Variants in IQSEC1 observed in about 807,000 individuals in gnomAD.
IQSEC1 encodes IQ motif and Sec7 domain ArfGEF 1.
A neutral mutation model predicts 91.0 loss-of-function variants in IQSEC1; 31 were observed. That is an observed-to-expected ratio of 0.34 (90% CI 0.26 to 0.46). IQSEC1 has a LOEUF of 0.46. IQSEC1 is among the 20% of genes least tolerant of loss of function. The pLI, the probability that IQSEC1 is intolerant of heterozygous loss-of-function variation, is 1.00. For synonymous variants in IQSEC1, 699 were observed against 662.6 expected (o/e 1.05, Z -0.84); for missense variants, 1,388 against 1,575.6 (o/e 0.88, Z 2.02).
At chr3:13,261,141 G>T (rs77196722) in intron 1 of IQSEC1, among the ~76,000 whole-genome samples, 2,287 of 152,342 alleles carry the variant, frequency 0.015, 60 homozygotes, top group African/African-American at 0.051. Context: ...CACTGGGGAG[G>T]CCGCCCAGGC....
intron 1 of IQSEC1, among the ~76,000 whole-genome samples, chr3:13,182,598 T>G (rs978803359): frequency 1.3e-5 from 2 of 152,142 alleles, no homozygotes; most frequent in African/African-American, 4.8e-5. Flanking sequence ...AATGGAAACC[T>G]AGGTGGAATA....
At chr3:13,200,379 C>A (rs1034695873) in intron 1 of IQSEC1, among the ~76,000 whole-genome samples, 4 of 152,202 alleles carry the variant, frequency 2.6e-5, no homozygotes, top group African/African-American at 9.7e-5. Flanking sequence ...TCCACCGTGT[C>A]CCCTCACTGA....
At chr3:12,946,479 T>C (rs1253308075) in intron 1 of IQSEC1, among the ~76,000 whole-genome samples, 2 of 152,172 alleles carry the variant, frequency 1.3e-5, no homozygotes, top group South Asian at 2.1e-4. Flanking sequence ...CCCCTTTCCA[T>C]AGATTTGTGC....
chr3:13,045,520 C>T (rs535134768), intron 1 of IQSEC1, among the ~76,000 whole-genome samples: 2 of 152,312 alleles, frequency 1.3e-5, no homozygotes, highest in African/African-American at 4.8e-5. Flanking sequence ...GGCACTGGGG[C>T]ATTGGCTCTG....
At chr3:13,161,111 TCACA>T (rs1707166447) in intron 2 of IQSEC1, among the ~76,000 whole-genome samples, 1 of 152,024 alleles carries the variant, frequency 6.6e-6, no homozygotes, top group Admixed American at 6.6e-5. Flanking sequence ...ACATCCTGAG[TCACA>T]CACAGCAGGG....
rs544790270 is a variant in IQSEC1 at position 13,019,048 on chromosome 3, A to C, written c.23+53944T>G. 1.5e-3 allele frequency among the ~76,000 whole-genome samples: 235 copies of C among 152,354 alleles called. 2 individuals carry two copies. Among genetic ancestry groups the C allele is most frequent in the Middle Eastern group, 3.4e-3 (1 of 294 alleles). ...AGAACCCAGTGATGACCTGCCAAGA[A>C]GCCCGCCCAGCTGGCATGGCTCCCC... is the stretch of plus-strand genomic sequence containing the variant. On this transcript the variant is annotated intron_variant, in intron 1 of 13. Coordinates refer to ENST00000613206, the MANE Select transcript of IQSEC1 (RefSeq NM_001134382.3).
chr3:13,028,073 C>T (rs77529636), intron 1 of IQSEC1, among the ~76,000 whole-genome samples: 1,595 of 152,266 alleles, frequency 0.01, 28 homozygotes, highest in African/African-American at 0.037. Flanking sequence ...GCTCCAGAGA[C>T]GCCTGTGGCC....
In IQSEC1 at chr3:12,924,022, T is replaced by C. The variant is rs1696883557; in HGVS notation, c.1730+559A>G. On this transcript the variant is annotated intron_variant, in intron 4 of 13. Coordinates refer to ENST00000613206, the MANE Select transcript of IQSEC1 (RefSeq NM_001134382.3). This position sits in a 1 kb window ranked among gnomAD's most constrained non-coding sequence, Gnocchi z 6.3. ...GTGGGGGCAGGACGCACAGCCCCAA[T>C]ATCCCAGCCGGGAGAATGAGGCAGG... Among the ~76,000 whole-genome samples, 1 of 152,134 alleles carries C rather than the reference T, an allele frequency of 6.6e-6. No individual in the cohort carries two copies. Among genetic ancestry groups the C allele is most frequent in the South Asian group, 2.1e-4 (1 of 4,834 alleles).
In IQSEC1 at chr3:13,214,560, T is replaced by A. The variant is rs1694506858; in HGVS notation, c.273-50427A>T. On this transcript the variant is annotated intron_variant, in intron 1 of 15. Transcript: ENST00000648114. The surrounding 1 kb of genome is among the most constrained non-coding windows in gnomAD (Gnocchi z 4.5). ...GTGGGTGCAGCCTGGGGCCTCTCAC[T>A]GCCAGGTGGACGAACCAGGGCAGGA... Among the ~76,000 whole-genome samples the A allele has an allele frequency of 6.6e-6, 1 of 152,248 alleles. No homozygotes were observed. The highest frequency in any genetic ancestry group is 6.5e-5 in the Admixed American group (1 of 15,294).
At chr3:13,208,484 A>G (rs759827565) in intron 1 of IQSEC1, among the ~76,000 whole-genome samples, 33 of 152,068 alleles carry the variant, frequency 2.2e-4, no homozygotes, top group Non-Finnish European at 4.3e-4. Flanking sequence ...GTAACAACCC[A>G]GGCTCGGGAA....
intron 1 of IQSEC1, among the ~76,000 whole-genome samples, chr3:12,946,853 C>A (rs1430561342): frequency 6.6e-6 from 1 of 152,212 alleles, no homozygotes; most frequent in Non-Finnish European, 1.5e-5. Context: ...CACAGACAGT[C>A]CAGAGCCTGA....
intron 1 of IQSEC1, among the ~76,000 whole-genome samples, chr3:12,976,408 G>A (rs548410866): frequency 6.6e-6 from 1 of 152,198 alleles, no homozygotes; most frequent in Non-Finnish European, 1.5e-5. Flanking sequence ...ACTCAAGGAA[G>A]CACATCCTCC....
intron 1 of IQSEC1, among the ~76,000 whole-genome samples, chr3:13,033,904 A>G (rs1354681944): frequency 6.6e-6 from 1 of 152,222 alleles, no homozygotes; most frequent in Non-Finnish European, 1.5e-5. Flanking sequence ...ATGTGTGACC[A>G]GACATCCGGT....
intron 2 of IQSEC1, among the ~76,000 whole-genome samples, chr3:13,144,594 C>T (rs1246238630): frequency 6.6e-6 from 1 of 152,234 alleles, no homozygotes; most frequent in Non-Finnish European, 1.5e-5. Flanking sequence ...AGACTTTACT[C>T]CCCCTGGGCA....
At chr3:13,162,066 G>T (rs1353352953) in intron 2 of IQSEC1, among the ~76,000 whole-genome samples, 1 of 152,020 alleles carries the variant, frequency 6.6e-6, no homozygotes, top group African/African-American at 2.4e-5. Context: ...TGAACACCAG[G>T]CCGGGTGGGG....
intron 1 of IQSEC1, among the ~76,000 whole-genome samples, chr3:13,040,149 T>C (rs2881980): frequency 0.71 from 107,458 of 152,094 alleles, 38,676 homozygotes; most frequent in South Asian, 0.86. Flanking sequence ...ATGCACCATG[T>C]GAGGCTTGGT....
chr3:13,087,225 C>T (rs933167499), intron 2 of IQSEC1, among the ~76,000 whole-genome samples: 3 of 152,226 alleles, frequency 2.0e-5, no homozygotes, highest in Non-Finnish European at 2.9e-5. Flanking sequence ...TTATTTGCTG[C>T]GACTTTAGTT....
rs772244616 is a variant in IQSEC1, at chr3:12,899,062, G to T, written c.*1921C>A. 2.8e-6 allele frequency: 1 copy of T among 361,736 alleles called. No homozygotes were observed. The highest frequency in any genetic ancestry group is 4.3e-5 in the Admixed American group (1 of 23,192). 22.4% of individuals were successfully genotyped at this position (361,736 alleles called of 1,614,324 possible). A position where few individuals can be genotyped will look rare whatever the true frequency, so the allele number is the denominator to read the frequency against. The stretch of plus-strand genomic sequence containing the variant: ...CGGGTTAAAGTCACATTTTTAAAAA[G>T]GCTAAACTCTAGATTGCTGTATTTG... On this transcript the variant is annotated 3_prime_UTR_variant, in exon 14 of 14. Coordinates refer to ENST00000613206, the MANE Select transcript of IQSEC1 (RefSeq NM_001134382.3).
At chr3:13,076,951 C>T (rs1705571982), upstream of IQSEC1, among the ~76,000 whole-genome samples, 1 of 151,714 alleles carries the variant, frequency 6.6e-6, no homozygotes, top group African/African-American at 2.4e-5. Context: ...CATTTATCTA[C>T]ATATATATGC....
Sources: gnomAD v4.1 joint callset for allele counts (sites outside exome capture counted in the v4.1 genomes callset) on GRCh38, gnomAD v4.1.1 for gene constraint, Gnocchi (gnomAD v3.1) non-coding constraint, MANE v1.5 for transcripts, NCBI Gene and HGNC (gene_info 2026-07-23, HGNC 2026-07-21) for gene names.